Variants in PARP8 observed in about 807,000 individuals in gnomAD.
The protein encoded by PARP8 is protein mono-ADP-ribosyltransferase PARP8.
Under a neutral mutation model 124.1 loss-of-function variants are expected in PARP8, and 51 were observed. The observed-to-expected ratio is 0.41, with a 90% CI of 0.33 to 0.52. The LOEUF is 0.52. PARP8 is among the 20% of genes least tolerant of loss of function. PARP8 has a pLI of 0.21. For missense variants in PARP8, 860 were observed against 1,018.9 expected (o/e 0.84, Z 2.12); for synonymous variants, 391 against 361.5 (o/e 1.08, Z -0.93).
chr5:50,777,204 G>T (rs1027345520), intron 7 of PARP8, among the ~76,000 whole-genome samples: 1 of 152,136 alleles, frequency 6.6e-6, no homozygotes, highest in African/African-American at 2.4e-5. Context: ...GGAGATGGCA[G>T]TAGTACCTTA....
Position 50,754,116 on chromosome 5 carries a change from CATATAT to C in PARP8, c.184+3958_184+3963del, listed in dbSNP as rs373375463. Among the ~76,000 whole-genome samples, 217 of 64,736 alleles carry C rather than the reference CATATAT, an allele frequency of 3.4e-3. 20 individuals are homozygous for C. Among genetic ancestry groups the C allele is most frequent in the African/African-American group, 0.019 (138 of 7,358 alleles). 42.5% of individuals were successfully genotyped at this position (64,736 alleles called of 152,430 possible). A position where few individuals can be genotyped will look rare whatever the true frequency, so the allele number is the denominator to read the frequency against. The stretch of plus-strand genomic sequence containing the variant: ...GAAGGAATTTGAGTTTGAAAACATT[CATATAT>C]ATATATATATATATATATATATATA... On this transcript the variant is annotated intron_variant, in intron 3 of 25. Transcript: ENST00000281631.
Position 50,667,092 on chromosome 5 carries a change from T to C in PARP8, c.-4T>C. ...CGGCTGCTTCTTTTCCAGGGATTTA[T>C]TTAATGGGGATGTGTTCAAGGCAAG... On this transcript the variant is annotated 5_prime_UTR_variant, in exon 1 of 26. Coordinates refer to ENST00000281631, the MANE Select transcript of PARP8 (RefSeq NM_024615.4). 6.3e-7 allele frequency: 1 copy of C among 1,596,318 alleles called. No homozygotes were observed. The highest frequency in any genetic ancestry group is 8.5e-7 in the Non-Finnish European group (1 of 1,179,736).
At chr5:50,709,574 G>A (rs1181978913) in intron 2 of PARP8, among the ~76,000 whole-genome samples, 1 of 151,744 alleles carries the variant, frequency 6.6e-6, no homozygotes, top group Non-Finnish European at 1.5e-5. Flanking sequence ...TTAAGAGTAA[G>A]GTAGTGGGAA....
At chr5:50,792,991 G>T (rs1742134136) in intron 10 of PARP8, among the ~76,000 whole-genome samples, 2 of 152,128 alleles carry the variant, frequency 1.3e-5, no homozygotes, top group East Asian at 3.8e-4. Context: ...AATAGCATGT[G>T]TTATACATAT....
intron 2 of PARP8, among the ~76,000 whole-genome samples, chr5:50,738,396 T>G (rs1757689969): frequency 6.6e-6 from 1 of 152,194 alleles, no homozygotes; most frequent in South Asian, 2.1e-4. Flanking sequence ...TCTATAAAAT[T>G]TATGAATATT....
At chr5:50,832,496 C>T (rs1747093975) in intron 22 of PARP8, among the ~76,000 whole-genome samples, 1 of 152,092 alleles carries the variant, frequency 6.6e-6, no homozygotes, top group African/African-American at 2.4e-5. Flanking sequence ...AAGTTAGGTT[C>T]TAAAAGCCTT....
intron 2 of PARP8, chr5:50,668,668 T>C (rs1384538555): frequency 1.3e-5 from 2 of 152,340 alleles, no homozygotes; most frequent in Non-Finnish European, 2.9e-5. Context: ...GGATGACTTC[T>C]TTCTTTTGGG....
chr5:50,758,259 T>G (rs1391630241), intron 3 of PARP8, among the ~76,000 whole-genome samples: 1 of 152,142 alleles, frequency 6.6e-6, no homozygotes, highest in Non-Finnish European at 1.5e-5. Flanking sequence ...TCCATGAAAA[T>G]ATTGGAAAAC....
chr5:50,720,052 A>G, intron 2 of PARP8, among the ~76,000 whole-genome samples: 1 of 152,212 alleles, frequency 6.6e-6, no homozygotes, highest in East Asian at 1.9e-4. Context: ...AGTCCCAACA[A>G]CCACAATATA....
Position 50,826,809 on chromosome 5 carries a change from TTG to T in PARP8, c.1977+8_1977+9del. 3.2e-6 allele frequency: 5 copies of T among 1,574,994 alleles called. No homozygotes were observed. The highest frequency in any genetic ancestry group is 2.6e-6 in the Non-Finnish European group (3 of 1,170,338). On this transcript the variant is annotated splice_region_variant and intron_variant, in intron 19 of 25. Transcript: ENST00000281631. ...TGAAACTGCCAGTTAACAGGGTAAG[TTG>T]TTTTTTTTTTTTTTACATATGCATA...
At chr5:50,739,841 C>T (rs1208908132) in intron 2 of PARP8, among the ~76,000 whole-genome samples, 3 of 149,294 alleles carry the variant, frequency 2.0e-5, no homozygotes, top group Non-Finnish European at 3.0e-5. Context: ...CCTCCACCTC[C>T]GAGGTTCAAG....
intron 2 of PARP8, among the ~76,000 whole-genome samples, chr5:50,689,208 C>A (rs1752231426): frequency 6.6e-6 from 1 of 151,994 alleles, no homozygotes; most frequent in Admixed American, 6.6e-5. Flanking sequence ...TGTTCTCTGT[C>A]CTTTTTTCCA....
At chr5:50,677,190 T>G (rs999854605) in intron 2 of PARP8, among the ~76,000 whole-genome samples, 1 of 152,006 alleles carries the variant, frequency 6.6e-6, no homozygotes, top group African/African-American at 2.4e-5. Flanking sequence ...GTCATTGATC[T>G]CCTTAAGAAG....
chr5:50,720,743 C>CCA, intron 2 of PARP8, among the ~76,000 whole-genome samples: 1 of 148,994 alleles, frequency 6.7e-6, no homozygotes, highest in Non-Finnish European at 1.5e-5. Flanking sequence ...AACTGCCATA[C>CCA]TCCTGACGCC....
At chr5:50,727,018 CAT>C (rs1183091135) in intron 2 of PARP8, among the ~76,000 whole-genome samples, 1 of 152,038 alleles carries the variant, frequency 6.6e-6, no homozygotes, top group Non-Finnish European at 1.5e-5. Flanking sequence ...CATTTACAGT[CAT>C]AAATCAAAAC....
intron 14 of PARP8, among the ~76,000 whole-genome samples, chr5:50,799,631 T>C (rs912866411): frequency 1.3e-5 from 2 of 152,192 alleles, no homozygotes; most frequent in Non-Finnish European, 2.9e-5. Flanking sequence ...TGCATTGGAA[T>C]TGTAAATCGG....
At chr5:50,736,294 G>T (rs1257099560) in intron 2 of PARP8, among the ~76,000 whole-genome samples, 4 of 152,132 alleles carry the variant, frequency 2.6e-5, no homozygotes, top group Admixed American at 1.3e-4. Flanking sequence ...CAGAGATGGG[G>T]TTATAGCCTC....
Position 50,790,547 on chromosome 5 carries a change from C to T in PARP8, c.737+1958C>T, listed in dbSNP as rs562984474. ...CTACTTTGTGTACTTTTGCAAGACACTTACAAACTTTTATTTTTAAGTGGC... is the reference window on the plus strand; with the variant it reads ...CTACTTTGTGTACTTTTGCAAGACATTTACAAACTTTTATTTTTAAGTGGC... On this transcript the variant is annotated intron_variant, in intron 10 of 25. Coordinates refer to ENST00000281631, the MANE Select transcript of PARP8 (RefSeq NM_024615.4). Among the ~76,000 whole-genome samples, 32 of 152,164 alleles carry T rather than the reference C, an allele frequency of 2.1e-4. No homozygotes were observed. The South Asian group carries it at 3.1e-3, about 15-fold the overall frequency.
intron 7 of PARP8, among the ~76,000 whole-genome samples, chr5:50,771,615 CA>C (rs1240771646): frequency 1.3e-5 from 2 of 152,176 alleles, no homozygotes; most frequent in Non-Finnish European, 2.9e-5. Flanking sequence ...TTAATCAGTA[CA>C]AATTTCTTCT....
Sources: gnomAD v4.1 joint callset for allele counts (sites outside exome capture counted in the v4.1 genomes callset) on GRCh38, gnomAD v4.1.1 for gene constraint, MANE v1.5 for transcripts, NCBI Gene and HGNC (gene_info 2026-07-23, HGNC 2026-07-21) for gene names.